Variants in SLC25A48 observed in about 807,000 individuals in gnomAD.
The protein encoded by SLC25A48 is solute carrier family 25 member 48.
Under a neutral mutation model 32.2 loss-of-function variants are expected in SLC25A48, and 29 were observed. The ratio of observed to expected loss-of-function variants is 0.90; its 90% CI spans 0.67 to 1.23. The LOEUF is 1.23. Ranked by LOEUF, SLC25A48 falls within the 50% of genes most tolerant of loss-of-function variation. The pLI, the probability that SLC25A48 is intolerant of heterozygous loss-of-function variation, is 0.00. For missense variants in SLC25A48, 399 were observed against 422.7 expected, an observed-to-expected ratio of 0.94 and a Z score of 0.49; for synonymous variants, 164 against 172.3, an observed-to-expected ratio of 0.95 and a Z score of 0.38.
intron 3 of SLC25A48, among the ~76,000 whole-genome samples, chr5:135,807,976 G>A (rs1037706099): frequency 2.0e-5 from 3 of 149,466 alleles, no homozygotes; most frequent in African/African-American, 4.9e-5. Context: ...GTTAACACAA[G>A]GTCATGTAAA....
chr5:135,609,078 G>A (rs886683449), intron 1 of SLC25A48, among the ~76,000 whole-genome samples: 9 of 152,200 alleles, frequency 5.9e-5, no homozygotes, highest in African/African-American at 1.9e-4. Flanking sequence ...AAGTCCTAAT[G>A]TCCGAGTTAC....
At chr5:135,653,971 G>A (rs926544706) in intron 3 of SLC25A48, 31 of 455,214 alleles carry the variant, frequency 6.8e-5, no homozygotes, top group South Asian at 2.9e-4. Context: ...TGAGGGTAGC[G>A]GCAGGGCTAA....
intron 6 of SLC25A48, chr5:135,874,930 C>T: frequency 2.3e-6 from 1 of 437,464 alleles, no homozygotes; most frequent in East Asian, 3.6e-5. Flanking sequence ...GATGTAGCTA[C>T]TGTGAGCTGG....
chr5:135,622,038 C>T (rs1277921149), intron 1 of SLC25A48, among the ~76,000 whole-genome samples: 1 of 151,982 alleles, frequency 6.6e-6, no homozygotes, highest in African/African-American at 2.4e-5. Context: ...CATAAATAAC[C>T]AAACCATAAA....
intron 7 of SLC25A48, among the ~76,000 whole-genome samples, chr5:135,887,110 T>C (rs1035663610): frequency 2.6e-5 from 4 of 152,186 alleles, no homozygotes; most frequent in African/African-American, 9.6e-5. Flanking sequence ...TTCAAAAATA[T>C]TTATCCATTT....
intron 6 of SLC25A48, among the ~76,000 whole-genome samples, chr5:135,876,914 C>T (rs895089292): frequency 6.6e-6 from 1 of 152,162 alleles, no homozygotes; most frequent in African/African-American, 2.4e-5. Flanking sequence ...ATGGAGCACC[C>T]CTCCCCAAGC....
chr5:135,647,773 T>C (rs1429712652), intron 3 of SLC25A48, among the ~76,000 whole-genome samples: 1 of 152,240 alleles, frequency 6.6e-6, no homozygotes, highest in Non-Finnish European at 1.5e-5. Flanking sequence ...GCCAGTCCAA[T>C]GCTCTCTGCA....
intron 3 of SLC25A48, among the ~76,000 whole-genome samples, chr5:135,788,318 G>A (rs577318707): frequency 1.3e-5 from 2 of 151,222 alleles, no homozygotes; most frequent in East Asian, 4.0e-4. Context: ...AATATCCGGG[G>A]GGAGAGAGGT....
intron 2 of SLC25A48, among the ~76,000 whole-genome samples, chr5:135,631,539 G>C (rs1003574369): frequency 3.3e-5 from 5 of 152,210 alleles, no homozygotes; most frequent in African/African-American, 1.2e-4. Flanking sequence ...CCTATTTAAT[G>C]CTCTGGGAGG....
At chr5:135,595,496 T>C (rs1169674390) in intron 1 of SLC25A48, among the ~76,000 whole-genome samples, 2 of 152,202 alleles carry the variant, frequency 1.3e-5, no homozygotes, top group African/African-American at 4.8e-5. Flanking sequence ...GAACTCCCCC[T>C]TGGCAAGTTA....
chr5:135,839,682 G>A (rs973220707), intron 1 of SLC25A48, among the ~76,000 whole-genome samples: 1 of 152,126 alleles, frequency 6.6e-6, no homozygotes, highest in African/African-American at 2.4e-5. Context: ...GTTTGGCTGT[G>A]TCCTCACCCA....
intron 3 of SLC25A48, among the ~76,000 whole-genome samples, chr5:135,710,960 T>C (rs1324281145): frequency 6.6e-6 from 1 of 152,232 alleles, no homozygotes; most frequent in East Asian, 1.9e-4. Context: ...ATTTGGAGGA[T>C]ATATTTGGGA....
At chr5:135,862,255 C>G (rs1255984645) in intron 4 of SLC25A48, among the ~76,000 whole-genome samples, 1 of 152,226 alleles carries the variant, frequency 6.6e-6, no homozygotes, top group Non-Finnish European at 1.5e-5. Flanking sequence ...TCACTCCTCC[C>G]CCATCTGGGA....
intron 1 of SLC25A48, among the ~76,000 whole-genome samples, chr5:135,599,197 A>G (rs1751728711): frequency 6.6e-6 from 1 of 152,024 alleles, no homozygotes; most frequent in South Asian, 2.1e-4. Context: ...AGTCTTCATC[A>G]CACTCTTGGA....
In SLC25A48 at chr5:135,810,531, C is replaced by T. The variant is rs559220797; in HGVS notation, c.-520-1992C>T. Among the ~76,000 whole-genome samples, 5 of 152,302 alleles carry T rather than the reference C, an allele frequency of 3.3e-5. No homozygotes were observed. The South Asian group carries it at 1.0e-3, about 32-fold the overall frequency. ...TTTCCTTATGACAGAAAAATAAATTCCTGTTTGGCTAAGCCACTGTTGTCA... is the reference window on the plus strand; with the variant it reads ...TTTCCTTATGACAGAAAAATAAATTTCTGTTTGGCTAAGCCACTGTTGTCA... On this transcript the variant is annotated intron_variant, in intron 3 of 10. Coordinates refer to the SLC25A48 transcript ENST00000646290.
At chr5:135,801,588 G>A (rs1384375910) in intron 3 of SLC25A48, among the ~76,000 whole-genome samples, 6 of 151,122 alleles carry the variant, frequency 4.0e-5, no homozygotes, top group South Asian at 2.1e-4. Flanking sequence ...CTCCAATATC[G>A]CAGAAGGTGT....
chr5:135,848,972 T>A (rs1759621207), intron 2 of SLC25A48, among the ~76,000 whole-genome samples: 1 of 152,212 alleles, frequency 6.6e-6, no homozygotes, highest in Non-Finnish European at 1.5e-5. Context: ...GCCTTACATG[T>A]GACATTAATT....
At chr5:135,805,445 T>A (rs1293383924) in intron 3 of SLC25A48, among the ~76,000 whole-genome samples, 1 of 151,460 alleles carries the variant, frequency 6.6e-6, no homozygotes, top group Non-Finnish European at 1.5e-5. Context: ...ACAGTGGGTA[T>A]ACACGCTGTG....
At chr5:135,584,298 C>T (rs769049821) in intron 1 of SLC25A48, among the ~76,000 whole-genome samples, 2 of 152,136 alleles carry the variant, frequency 1.3e-5, no homozygotes, top group South Asian at 2.1e-4. Context: ...AAGATATTTC[C>T]GAAGAGGGCC....
Sources: gnomAD v4.1 joint callset for allele counts (sites outside exome capture counted in the v4.1 genomes callset) on GRCh38, gnomAD v4.1.1 for gene constraint, MANE v1.5 for transcripts, NCBI Gene and HGNC (gene_info 2026-07-23, HGNC 2026-07-21) for gene names.